Variants in CIRSR observed in about 807,000 individuals in gnomAD.
CIRSR encodes the protein CBF1 (RBPJ) interacting corepressor 1.
At chr2:174,387,679 T>C in the CIRSR span, 2 of 1,576,668 alleles carry the variant, frequency 1.3e-6, no homozygotes, top group South Asian at 1.2e-5. Flanking sequence ...TAACAGAATT[T>C]CTTACCTATT....
the CIRSR span, chr2:174,348,178 G>A: frequency 4.3e-6 from 1 of 230,204 alleles, no homozygotes; most frequent in South Asian, 1.4e-4. Flanking sequence ...TTTTAATGAT[G>A]TTTCAGAACA....
chr2:174,377,144 G>A, the CIRSR span, among the ~76,000 whole-genome samples: 2 of 152,120 alleles, frequency 1.3e-5, no homozygotes, highest in Non-Finnish European at 2.9e-5. Flanking sequence ...AGTCATAGGG[G>A]CACTATAAAG....
the CIRSR span, among the ~76,000 whole-genome samples, chr2:174,356,065 C>A: frequency 6.6e-6 from 1 of 152,128 alleles, no homozygotes; most frequent in African/African-American, 2.4e-5. Flanking sequence ...AGCCACCACA[C>A]CTGGCCCATC....
the CIRSR span, among the ~76,000 whole-genome samples, chr2:174,390,060 C>T: frequency 2.0e-5 from 3 of 152,182 alleles, no homozygotes; most frequent in Non-Finnish European, 4.4e-5. Context: ...CACAGAGTCC[C>T]TACTGGGGTA....
At chr2:174,362,557 C>T in the CIRSR span, among the ~76,000 whole-genome samples, 1 of 151,452 alleles carries the variant, frequency 6.6e-6, no homozygotes, top group African/African-American at 2.4e-5. Context: ...GTGATGGGCG[C>T]CTGTAGTCCC....
At chr2:174,367,609 G>C in the CIRSR span, among the ~76,000 whole-genome samples, 24 of 151,888 alleles carry the variant, frequency 1.6e-4, no homozygotes, top group African/African-American at 5.8e-4. Flanking sequence ...GGGCATGATT[G>C]TGCATGCCTG....
the CIRSR span, among the ~76,000 whole-genome samples, chr2:174,363,002 G>A: frequency 2.7e-3 from 418 of 152,172 alleles, 2 homozygotes; most frequent in Non-Finnish European, 5.1e-3. Context: ...AACAATCTCC[G>A]TGTGCTTCCC....
chr2:174,390,273 C>T, the CIRSR span, among the ~76,000 whole-genome samples: 1 of 152,254 alleles, frequency 6.6e-6, no homozygotes, highest in Non-Finnish European at 1.5e-5. Context: ...CATCAGCACA[C>T]CCTGGATATG....
chr2:174,393,994 C>G, the CIRSR span, among the ~76,000 whole-genome samples: 1 of 152,138 alleles, frequency 6.6e-6, no homozygotes, highest in Admixed American at 6.5e-5. Context: ...TCTCCTCTAT[C>G]CTGGGAAAAG....
At chr2:174,354,678 T>A in the CIRSR span, among the ~76,000 whole-genome samples, 3 of 96,542 alleles carry the variant, frequency 3.1e-5, no homozygotes, top group Admixed American at 3.5e-4. Flanking sequence ...TATTATATAT[T>A]TTATATATTA....
the CIRSR span, among the ~76,000 whole-genome samples, chr2:174,356,196 T>C: frequency 1.3e-5 from 2 of 151,916 alleles, no homozygotes; most frequent in African/African-American, 4.8e-5. Context: ...CCAGGCGCAG[T>C]GGCTCATGCC....
the CIRSR span, among the ~76,000 whole-genome samples, chr2:174,365,534 C>G: frequency 6.6e-6 from 1 of 152,164 alleles, no homozygotes; most frequent in African/African-American, 2.4e-5. Context: ...TTACAATTTA[C>G]AAAAGAAAGA....
At chr2:174,356,604 A>AGGG in the CIRSR span, among the ~76,000 whole-genome samples, 34 of 147,988 alleles carry the variant, frequency 2.3e-4, no homozygotes, top group African/African-American at 4.8e-4. Context: ...GGAGGGAGGG[A>AGGG]AGAAGGAAGG....
chr2:174,370,572 A>G, the CIRSR span, among the ~76,000 whole-genome samples: 1 of 152,226 alleles, frequency 6.6e-6, no homozygotes, highest in Non-Finnish European at 1.5e-5. Flanking sequence ...TTTAATTATT[A>G]TAAGACTATG....
the CIRSR span, chr2:174,348,233 G>A: frequency 2.6e-6 from 1 of 382,498 alleles, no homozygotes; most frequent in South Asian, 6.3e-5. Context: ...CTGGTATGGG[G>A]AACAAGAAAC....
chr2:174,357,648 C>T, the CIRSR span, among the ~76,000 whole-genome samples: 1 of 152,156 alleles, frequency 6.6e-6, no homozygotes, highest in Non-Finnish European at 1.5e-5. Flanking sequence ...GACAGTTAGA[C>T]ACTAGTTAGA....
At chr2:174,382,322 T>A in the CIRSR span, among the ~76,000 whole-genome samples, 1 of 152,098 alleles carries the variant, frequency 6.6e-6, no homozygotes, top group Admixed American at 6.6e-5. Context: ...ATAAAATTCT[T>A]TCGTGAGGCC....
At chr2:174,371,043 T>G in the CIRSR span, among the ~76,000 whole-genome samples, 1 of 152,208 alleles carries the variant, frequency 6.6e-6, no homozygotes, top group Non-Finnish European at 1.5e-5. Context: ...GTTCTTTCAC[T>G]CATATTATAT....
At chr2:174,384,710 C>T in the CIRSR span, among the ~76,000 whole-genome samples, 2 of 151,758 alleles carry the variant, frequency 1.3e-5, no homozygotes, top group African/African-American at 4.8e-5. Flanking sequence ...AGCCATTGTG[C>T]CCAGCCCAAT....
Sources: gnomAD v4.1 joint callset for allele counts (sites outside exome capture counted in the v4.1 genomes callset) on GRCh38, gnomAD v4.1.1 for gene constraint, MANE v1.5 for transcripts, NCBI Gene and HGNC (gene_info 2026-07-23, HGNC 2026-07-21) for gene names.